The following BLK variants were observed in gnomAD, a reference collection of about 807,000 sequenced individuals.
BLK encodes BLK proto-oncogene, Src family tyrosine kinase.
A neutral mutation model predicts 61.8 loss-of-function variants in BLK; 64 were observed. That is an observed-to-expected ratio of 1.03 (90% CI 0.85 to 1.27). The LOEUF (loss-of-function observed/expected upper bound fraction) is 1.27. BLK is among the 50% of genes most tolerant of loss of function. The probability of loss-of-function intolerance (pLI) is 0.00; values close to 1 mark genes in which losing one functional copy is unlikely to be tolerated. For missense variants in BLK, 853 were observed against 660.5 expected (o/e 1.29, Z -3.19); for synonymous variants, 351 against 272.0 (o/e 1.29, Z -2.86).
At chr8:11,520,833 A>C (rs1308077123) in intron 1 of BLK, among the ~76,000 whole-genome samples, 1 of 152,222 alleles carries the variant, frequency 6.6e-6, no homozygotes, top group Non-Finnish European at 1.5e-5. Flanking sequence ...CTAATAAGAG[A>C]ACTGAAATAG....
At position 11,556,665 on chromosome 8, in the gene BLK, C is replaced by T. The variant is rs1801244325; in HGVS notation, c.780C>T (p.Tyr260=). 2 of 1,614,118 alleles carry T rather than the reference C, an allele frequency of 1.2e-6. No individual in the cohort carries two copies. The highest frequency in any genetic ancestry group is 1.7e-5 in the Admixed American group (1 of 60,016). Residue 260 remains tyrosine (Y), a synonymous_variant, in exon 9 of 13, where the codon TAC becomes TAT. Transcript: ENST00000259089. Reference sequence around the variant, plus strand: ...TCACTCCCCCGGGCTCAGGTTACTACAAAAACAACATGAAGGTGGCCATTA... The same window carrying T: ...TCACTCCCCCGGGCTCAGGTTACTATAAAAACAACATGAAGGTGGCCATTA... ...GQFGEVWMGY[Y]KNNMKVAIKT...
intron 1 of BLK, among the ~76,000 whole-genome samples, 185 bp from the exon 2 acceptor site, chr8:11,543,039 A>C (rs554503542): frequency 1.3e-5 from 2 of 152,102 alleles, no homozygotes; most frequent in Non-Finnish European, 2.9e-5. Context: ...CCCCCGAAAA[A>C]AGATGGACAC....
intron 6 of BLK, among the ~76,000 whole-genome samples, chr8:11,550,720 A>T (rs899369): frequency 1 from 151,822 of 152,368 alleles, 75,642 homozygotes; most frequent in East Asian, 1. Context: ...GTGGTAATTG[A>T]GGGGAGCCCA....
intron 1 of BLK, among the ~76,000 whole-genome samples, chr8:11,504,368 A>AAGGAAGG (rs1798683924): frequency 2.7e-4 from 3 of 11,124 alleles, no homozygotes; most frequent in South Asian, 3.0e-3. Flanking sequence ...AGGAAGGAAG[A>AAGGAAGG]AAGAAAAGAA....
chr8:11,558,418 C>G (rs1002341744), intron 10 of BLK: 6 of 362,318 alleles, frequency 1.7e-5, no homozygotes, highest in Non-Finnish European at 5.4e-6. Flanking sequence ...TCATCTCTTC[C>G]TTAGATGGTG....
intron 1 of BLK, among the ~76,000 whole-genome samples, chr8:11,521,403 A>G (rs1374256647): frequency 1.3e-5 from 2 of 152,118 alleles, no homozygotes; most frequent in Non-Finnish European, 2.9e-5. Flanking sequence ...CAATCCTCCC[A>G]TCTAAGCCTC....
chr8:11,540,858 A>G (rs1585383326), intron 1 of BLK, among the ~76,000 whole-genome samples: 1 of 98 alleles, frequency 0.01, no homozygotes, highest in East Asian at 0.5. Context: ...AAGAAGATAG[A>G]AAAAAAAAAA....
At position 11,555,529 on chromosome 8, in the gene BLK, T is replaced by C. The variant is rs551362684; in HGVS notation, c.772+45T>C. 13 of 1,613,292 alleles carry C rather than the reference T, an allele frequency of 8.1e-6. No individual in the cohort carries two copies. The South Asian group carries it at 1.4e-4, about 18-fold the overall frequency. On this transcript the variant is annotated intron_variant, in intron 8 of 12. Transcript: ENST00000259089. The stretch of plus-strand genomic sequence containing the variant: ...GGAGCATTTCTCCCCCCATTCCACC[T>C]GCGCCGCATCCTGAGTCCAGGTTCA...
intron 1 of BLK, among the ~76,000 whole-genome samples, chr8:11,510,175 G>A (rs1442785601): frequency 6.6e-6 from 1 of 152,180 alleles, no homozygotes; most frequent in African/African-American, 2.4e-5. Flanking sequence ...TCCCTTCAAG[G>A]AATTACGATG....
At chr8:11,529,336 G>C (rs1299116443) in intron 1 of BLK, among the ~76,000 whole-genome samples, 2 of 152,148 alleles carry the variant, frequency 1.3e-5, no homozygotes, top group African/African-American at 4.8e-5. Context: ...GAATAATTTG[G>C]TGGGTGGAGG....
chr8:11,531,034 T>A (rs915844961), intron 1 of BLK, among the ~76,000 whole-genome samples: 1 of 152,222 alleles, frequency 6.6e-6, no homozygotes, highest in African/African-American at 2.4e-5. Context: ...AATTTTAGCA[T>A]CTGGGTGGTT....
chr8:11,555,735 C>A (rs1284116038), intron 8 of BLK: 1 of 591,540 alleles, frequency 1.7e-6, no homozygotes, highest in East Asian at 3.2e-5. Context: ...CGAAGTCGCT[C>A]CCTCCTTCGT....
At chr8:11,546,788 T>C (rs1039804855) in intron 3 of BLK, among the ~76,000 whole-genome samples, 1 of 152,140 alleles carries the variant, frequency 6.6e-6, no homozygotes, top group Non-Finnish European at 1.5e-5. Context: ...GTTGGCCAGA[T>C]TGGTCTTAAA....
At chr8:11,558,113 CA>C in intron 10 of BLK, 75 bp downstream of exon 10, 1 of 1,428,088 alleles carries the variant, frequency 7.0e-7, no homozygotes, top group Non-Finnish European at 9.9e-7. Context: ...CGTGCCTTAC[CA>C]CCCCATCCTC....
intron 1 of BLK, among the ~76,000 whole-genome samples, chr8:11,517,534 G>T (rs1210761585): frequency 6.6e-6 from 1 of 152,180 alleles, no homozygotes; most frequent in African/African-American, 2.4e-5. Context: ...ATGTTTTCAG[G>T]TTCCCAGAGC....
At chr8:11,519,685 C>G (rs993472470) in intron 1 of BLK, among the ~76,000 whole-genome samples, 1 of 152,114 alleles carries the variant, frequency 6.6e-6, no homozygotes, top group East Asian at 1.9e-4. Context: ...GTTATTATCT[C>G]AATTGTATTG....
At chr8:11,521,179 T>A (rs996374760) in intron 1 of BLK, among the ~76,000 whole-genome samples, 2 of 152,210 alleles carry the variant, frequency 1.3e-5, no homozygotes, top group African/African-American at 4.8e-5. Context: ...AAATGGCTTT[T>A]AAAAAATTTA....
At chr8:11,522,312 G>T (rs1294854459) in intron 1 of BLK, among the ~76,000 whole-genome samples, 2 of 152,120 alleles carry the variant, frequency 1.3e-5, no homozygotes, top group Non-Finnish European at 2.9e-5. Flanking sequence ...AAAACAAAAA[G>T]ATTTAATTTA....
At chr8:11,541,048 T>G (rs1474488045) in intron 1 of BLK, among the ~76,000 whole-genome samples, 1 of 152,150 alleles carries the variant, frequency 6.6e-6, no homozygotes, top group African/African-American at 2.4e-5. Flanking sequence ...GGCAGGTCAC[T>G]TGAGCTCTGG....
Sources: allele counts gnomAD v4.1 joint callset (sites outside exome capture counted in the v4.1 genomes callset), GRCh38; gene constraint gnomAD v4.1.1; transcripts MANE v1.5; gene names NCBI Gene and HGNC (gene_info 2026-07-23, HGNC 2026-07-21).